Variants in SYNPR observed in about 807,000 individuals in gnomAD.
SYNPR encodes synaptoporin.
In SYNPR, 23 loss-of-function variants were observed where a neutral mutation model predicts 32.9. The ratio of observed to expected loss-of-function variants is 0.70; its 90% CI spans 0.50 to 0.99. The LOEUF is 0.99. Among genes scored for constraint, SYNPR ranks in the 50% least tolerant of loss-of-function variants. The pLI, the probability that SYNPR is intolerant of heterozygous loss-of-function variation, is 0.00. For synonymous variants in SYNPR, 146 were observed against 135.9 expected, an observed-to-expected ratio of 1.07 and a Z score of -0.52; for missense variants, 318 against 349.3, an observed-to-expected ratio of 0.91 and a Z score of 0.71.
At chr3:63,524,933 G>A (rs1259295060) in intron 3 of SYNPR, among the ~76,000 whole-genome samples, 2 of 150,790 alleles carry the variant, frequency 1.3e-5, no homozygotes, top group Admixed American at 6.6e-5. Flanking sequence ...TGTCACTGAC[G>A]TAGGAGACAA....
chr3:63,546,490 G>T (rs1702404309), intron 3 of SYNPR, among the ~76,000 whole-genome samples: 2 of 152,148 alleles, frequency 1.3e-5, no homozygotes, highest in Admixed American at 1.3e-4. Context: ...GCTACATGCT[G>T]GGGGTGAGGG....
intron 2 of SYNPR, among the ~76,000 whole-genome samples, chr3:63,254,541 T>A (rs376237238): frequency 2.0e-5 from 3 of 152,100 alleles, no homozygotes; most frequent in Non-Finnish European, 4.4e-5. Flanking sequence ...TTAGTGAAAA[T>A]TTATTGAGCA....
chr3:63,364,896 G>A (rs999789157), intron 2 of SYNPR, among the ~76,000 whole-genome samples: 12 of 152,142 alleles, frequency 7.9e-5, no homozygotes, highest in African/African-American at 2.9e-4. Flanking sequence ...AGGTTACAGG[G>A]TAAATGAATA....
chr3:63,303,955 A>C (rs1028257883), intron 2 of SYNPR, among the ~76,000 whole-genome samples: 1 of 151,990 alleles, frequency 6.6e-6, no homozygotes, highest in Non-Finnish European at 1.5e-5. Flanking sequence ...TTGAGGGCTA[A>C]AATCATACTG....
At chr3:63,203,718 C>T in the SYNPR span, among the ~76,000 whole-genome samples, 1 of 152,054 alleles carries the variant, frequency 6.6e-6, no homozygotes. Flanking sequence ...TTCTTTGGGC[C>T]GGGTGCTGTG....
chr3:63,336,282 A>G (rs9827837), intron 2 of SYNPR, among the ~76,000 whole-genome samples: 1 of 152,054 alleles, frequency 6.6e-6, no homozygotes, highest in Admixed American at 6.5e-5. Context: ...TCAGGATAGT[A>G]CAGGGAAGAG....
intron 2 of SYNPR, among the ~76,000 whole-genome samples, chr3:63,468,638 TA>T (rs1245851468): frequency 6.6e-6 from 1 of 152,074 alleles, no homozygotes; most frequent in Non-Finnish European, 1.5e-5. Flanking sequence ...CCATGTCTAC[TA>T]AAAATACAAA....
chr3:63,379,832 C>A (rs2087943405), intron 2 of SYNPR, among the ~76,000 whole-genome samples: 1 of 151,844 alleles, frequency 6.6e-6, no homozygotes, highest in Admixed American at 6.6e-5. Context: ...TGCTATCCCT[C>A]CCTCCTCCCC....
chr3:63,562,759 G>C (rs1004631710), intron 4 of SYNPR, among the ~76,000 whole-genome samples: 8 of 152,190 alleles, frequency 5.3e-5, no homozygotes, highest in African/African-American at 1.9e-4. Context: ...TATCAGAGAA[G>C]AAGTTAATAG....
intron 2 of SYNPR, among the ~76,000 whole-genome samples, chr3:63,430,890 A>G (rs533883499): frequency 4.6e-5 from 7 of 152,336 alleles, no homozygotes; most frequent in African/African-American, 1.7e-4. Context: ...TTCCATGAGT[A>G]TCAGCTTCTT....
At chr3:63,251,777 A>C (rs965247700) in intron 1 of SYNPR, among the ~76,000 whole-genome samples, 2 of 151,832 alleles carry the variant, frequency 1.3e-5, no homozygotes, top group Non-Finnish European at 2.9e-5. Context: ...GAAAGACAAC[A>C]ACCAAGGAGA....
chr3:63,455,514 T>G (rs1271917378), intron 2 of SYNPR, among the ~76,000 whole-genome samples: 1 of 152,056 alleles, frequency 6.6e-6, no homozygotes, highest in African/African-American at 2.4e-5. Flanking sequence ...AGTATGAAAT[T>G]TGGGAAAGAA....
chr3:63,400,668 G>C (rs563025947), intron 2 of SYNPR, among the ~76,000 whole-genome samples: 1 of 152,124 alleles, frequency 6.6e-6, no homozygotes, highest in Non-Finnish European at 1.5e-5. Flanking sequence ...ATGAGTCACC[G>C]AACTGAGCCC....
At chr3:63,333,937 A>T (rs189651367) in intron 2 of SYNPR, among the ~76,000 whole-genome samples, 7 of 152,370 alleles carry the variant, frequency 4.6e-5, no homozygotes, top group African/African-American at 1.7e-4. Flanking sequence ...GTTTCTAAAC[A>T]AACTGTATTA....
At chr3:63,417,622 G>C (rs1012632015) in intron 2 of SYNPR, among the ~76,000 whole-genome samples, 1 of 152,208 alleles carries the variant, frequency 6.6e-6, no homozygotes, top group Non-Finnish European at 1.5e-5. Context: ...TGGACATCCA[G>C]GCATTTCCAT....
At chr3:63,311,774 T>C (rs1202433963) in intron 2 of SYNPR, among the ~76,000 whole-genome samples, 2 of 151,992 alleles carry the variant, frequency 1.3e-5, no homozygotes, top group African/African-American at 4.8e-5. Flanking sequence ...ATCAAACAGG[T>C]TATGTCATTA....
intron 2 of SYNPR, among the ~76,000 whole-genome samples, chr3:63,319,183 T>C (rs185418322): frequency 6.6e-6 from 1 of 152,154 alleles, no homozygotes; most frequent in East Asian, 1.9e-4. Flanking sequence ...GAAGAGACTG[T>C]CCTTTCTCCA....
At chr3:63,243,904 G>A (rs2086266627) in intron 1 of SYNPR, among the ~76,000 whole-genome samples, 1 of 151,922 alleles carries the variant, frequency 6.6e-6, no homozygotes, top group South Asian at 2.1e-4. Context: ...AAAAAAACAG[G>A]CTAAGCTAGG....
At chr3:63,465,956 T>C (rs1438634561) in intron 2 of SYNPR, among the ~76,000 whole-genome samples, 11 of 152,192 alleles carry the variant, frequency 7.2e-5, no homozygotes, top group African/African-American at 9.7e-5. Context: ...GTTTGTGACA[T>C]AGGTAAATTT....
Sources: gnomAD v4.1 joint callset for allele counts (sites outside exome capture counted in the v4.1 genomes callset) on GRCh38, gnomAD v4.1.1 for gene constraint, MANE v1.5 for transcripts, NCBI Gene and HGNC (gene_info 2026-07-23, HGNC 2026-07-21) for gene names.